The following BTD variants were observed in gnomAD, a reference collection of about 807,000 sequenced individuals.
BTD encodes the protein biocytinase.
Under a neutral mutation model 17.7 loss-of-function variants are expected in BTD, and 13 were observed. The observed-to-expected ratio is 0.74, with a 90% CI of 0.48 to 1.17. BTD has a LOEUF of 1.17. Ranked by LOEUF, BTD falls within the 50% of genes most tolerant of loss-of-function variation. The pLI, the probability that BTD is intolerant of heterozygous loss-of-function variation, is 0.00. For missense variants in BTD, 674 were observed against 650.4 expected, an observed-to-expected ratio of 1.04 and a Z score of -0.39; for synonymous variants, 240 against 245.2, an observed-to-expected ratio of 0.98 and a Z score of 0.20.
chr3:15,685,903 G>A (rs1422102783), intron 3 of BTD: 9 of 913,670 alleles, frequency 9.9e-6, no homozygotes, highest in Middle Eastern at 4.6e-4. Context: ...ACTATTTGAC[G>A]AACATTTAAT....
In BTD at chr3:15,686,494, G is replaced by C; in HGVS notation, c.400-23566G>C. On this transcript the variant is annotated intron_variant, in intron 3 of 3. Coordinates refer to the BTD transcript ENST00000672141. ...TTTGACTGTTAAAGCTGGAATAAAT[G>C]TGAATTCCTCACAGTAAAACATGAC... is the stretch of plus-strand genomic sequence containing the variant. 3 of 600,850 alleles carry C rather than the reference G, an allele frequency of 5.0e-6. No individual in the cohort carries two copies. In the South Asian group the frequency reaches 6.1e-5, roughly 12 times the overall value. The allele number at this position is 600,850 out of a possible 1,614,324, so 37.2% of individuals were successfully genotyped here.
chr3:15,669,903 T>G (rs926635363), intron 3 of BTD: 3 of 169,278 alleles, frequency 1.8e-5, no homozygotes, highest in African/African-American at 7.2e-5. Context: ...TAGTTGTAAT[T>G]TTATTGATAA....
intron 1 of BTD, among the ~76,000 whole-genome samples, chr3:15,633,880 GA>G (rs2065277449): frequency 6.6e-6 from 1 of 152,206 alleles, no homozygotes. Flanking sequence ...ATTCAGATAA[GA>G]AAGCTTATCA....
intron 3 of BTD, among the ~76,000 whole-genome samples, chr3:15,695,699 A>G (rs1352581313): frequency 6.6e-6 from 1 of 152,142 alleles, no homozygotes; most frequent in East Asian, 1.9e-4. Context: ...AGCAGAAATA[A>G]AAACGTCCTC....
upstream of BTD, chr3:15,601,589 A>T: frequency 1.9e-6 from 3 of 1,584,136 alleles, no homozygotes; most frequent in Non-Finnish European, 2.6e-6. Flanking sequence ...GAGGGCAACC[A>T]ACTGCCTTAA....
At chr3:15,620,840 T>C (rs1353369682) in intron 1 of BTD, among the ~76,000 whole-genome samples, 5 of 152,142 alleles carry the variant, frequency 3.3e-5, no homozygotes, top group Non-Finnish European at 7.3e-5. Flanking sequence ...TAGAGAGATA[T>C]ACGAAAGAGA....
intron 3 of BTD, among the ~76,000 whole-genome samples, chr3:15,643,834 A>G (rs1317353577): frequency 6.9e-6 from 1 of 145,294 alleles, no homozygotes; most frequent in Non-Finnish European, 1.5e-5. Flanking sequence ...AGACGAGAGG[A>G]TTGCTTGAGG....
At chr3:15,665,021 T>A (rs1289199606) in intron 3 of BTD, among the ~76,000 whole-genome samples, 3 of 152,166 alleles carry the variant, frequency 2.0e-5, no homozygotes, top group Non-Finnish European at 2.9e-5. Flanking sequence ...TTTTAAAAAA[T>A]TAGTTTCAAA....
downstream of BTD, among the ~76,000 whole-genome samples, chr3:15,717,733 C>T (rs2455837): frequency 0.67 from 101,618 of 151,882 alleles, 34,500 homozygotes; most frequent in East Asian, 0.91. Flanking sequence ...AAAACGTGTG[C>T]ATATAAATGA....
At position 15,642,057 on chromosome 3, in the gene BTD, G is replaced by A. The variant is rs397514360; in HGVS notation, c.399G>A (p.Glu133=). 4.3e-6 allele frequency: 7 copies of A among 1,614,074 alleles called. No homozygotes were observed. The highest frequency in any genetic ancestry group is 5.9e-6 in the Non-Finnish European group (7 of 1,180,000). The change falls in exon 3 of 4, where the codon GAG becomes GAA. Residue 133 remains glutamate, a splice_region_variant and synonymous_variant. Coordinates refer to ENST00000643237, the MANE Select transcript of BTD (RefSeq NM_001370658.1). The part of the protein sequence containing the change: ...CLEPHRFNDT[E]VLQRLSCMAI... ...AGCCTCACCGCTTCAATGACACAGA[G>A]GTGATTCCTGCCTTTTTCCTCAGTA...
chr3:15,608,104 C>G (rs549894730), intron 1 of BTD, among the ~76,000 whole-genome samples: 1 of 152,328 alleles, frequency 6.6e-6, no homozygotes, highest in East Asian at 1.9e-4. Flanking sequence ...TGCCAGCTGA[C>G]AGACACTGGG....
At chr3:15,637,407 C>A (rs1472499346) in intron 2 of BTD, among the ~76,000 whole-genome samples, 1 of 152,112 alleles carries the variant, frequency 6.6e-6, no homozygotes, top group Non-Finnish European at 1.5e-5. Flanking sequence ...TTCACATGAG[C>A]AGACACACAT....
intron 1 of BTD, among the ~76,000 whole-genome samples, chr3:15,613,972 C>T (rs2064712946): frequency 6.6e-6 from 1 of 151,814 alleles, no homozygotes; most frequent in Non-Finnish European, 1.5e-5. Flanking sequence ...ATTTCGTGTT[C>T]TGGTTTCTTT....
chr3:15,659,856 T>A (rs1427566310), intron 3 of BTD, among the ~76,000 whole-genome samples: 3 of 152,198 alleles, frequency 2.0e-5, no homozygotes, highest in Non-Finnish European at 4.4e-5. Context: ...CTATGATAGG[T>A]CATCCTACTA....
intron 1 of BTD, among the ~76,000 whole-genome samples, chr3:15,623,198 A>G (rs1232441735): frequency 6.6e-6 from 1 of 152,226 alleles, no homozygotes; most frequent in African/African-American, 2.4e-5. Flanking sequence ...GATTACTACA[A>G]TTCAAGGTGA....
chr3:15,668,999 C>T (rs930359841), intron 3 of BTD: 8 of 152,496 alleles, frequency 5.2e-5, no homozygotes, highest in South Asian at 2.1e-4. Context: ...ATTTAAAAGC[C>T]GAAATATCAG....
chr3:15,620,999 G>A (rs1438626907), intron 1 of BTD, among the ~76,000 whole-genome samples: 1 of 152,260 alleles, frequency 6.6e-6, no homozygotes, highest in Non-Finnish European at 1.5e-5. Context: ...TGCAAGTCCT[G>A]GAGTCCACAG....
downstream of BTD, among the ~76,000 whole-genome samples, chr3:15,716,867 C>T (rs1197368807): frequency 3.9e-5 from 6 of 152,112 alleles, no homozygotes; most frequent in Admixed American, 2.0e-4. Context: ...GAGGCCAAAG[C>T]GGAAGGACTG....
At chr3:15,659,542 G>A (rs552413465) in intron 3 of BTD, among the ~76,000 whole-genome samples, 26 of 152,312 alleles carry the variant, frequency 1.7e-4, no homozygotes, top group East Asian at 7.7e-4. Flanking sequence ...TCACATAGGC[G>A]CTTTCTCTAG....
Sources: allele counts gnomAD v4.1 joint callset (sites outside exome capture counted in the v4.1 genomes callset), GRCh38; gene constraint gnomAD v4.1.1; transcripts MANE v1.5; gene names NCBI Gene and HGNC (gene_info 2026-07-23, HGNC 2026-07-21).